Variants in CACNA1E observed in about 807,000 individuals in gnomAD.
CACNA1E encodes calcium voltage-gated channel subunit alpha1 E, also known as voltage-dependent R-type calcium channel subunit alpha-1E.
CACNA1E carries 40 observed loss-of-function variants against 259.2 expected under a neutral mutation model. The observed-to-expected ratio is 0.15, with a 90% confidence interval of 0.12 to 0.20. CACNA1E has a LOEUF of 0.20. CACNA1E is among the 10% of genes least tolerant of loss of function. The pLI, the probability that CACNA1E is intolerant of heterozygous loss-of-function variation, is 1.00. For synonymous variants in CACNA1E, 1,104 were observed against 1,138.5 expected (o/e 0.97, Z 0.61); for missense variants, 1,874 against 3,040.1 (o/e 0.62, Z 9.02).
intron 1 of CACNA1E, among the ~76,000 whole-genome samples, chr1:181,386,985 T>C (rs900261538): frequency 1.2e-4 from 18 of 152,212 alleles, no homozygotes; most frequent in Admixed American, 1.1e-3. Flanking sequence ...TTTTGTTCGA[T>C]TGATTGACTC....
intron 3 of CACNA1E, among the ~76,000 whole-genome samples, chr1:181,520,466 A>G (rs940592475): frequency 2.6e-5 from 4 of 152,232 alleles, no homozygotes; most frequent in African/African-American, 9.6e-5. Flanking sequence ...AAACCAGCAT[A>G]TAAAAATTGA....
intron 40 of CACNA1E, among the ~76,000 whole-genome samples, chr1:181,784,384 C>A (rs987276895): frequency 6.6e-6 from 1 of 152,132 alleles, no homozygotes; most frequent in Non-Finnish European, 1.5e-5. Flanking sequence ...GTATTGAGCA[C>A]CTGGGAGGCT....
At chr1:181,720,994 G>A (rs1056597325) in intron 15 of CACNA1E, 139 bp downstream of exon 15, 3 of 639,438 alleles carry the variant, frequency 4.7e-6, no homozygotes, top group Non-Finnish European at 8.3e-6. Flanking sequence ...CTTTCTAGTT[G>A]AGCGGTCATT....
At chr1:181,535,841 T>C (rs978812138) in intron 3 of CACNA1E, among the ~76,000 whole-genome samples, 13 of 151,942 alleles carry the variant, frequency 8.6e-5, no homozygotes, top group African/African-American at 3.1e-4. Context: ...GCATGCACTA[T>C]CACCCCGGCT....
At chr1:181,537,448 G>T (rs1467646134) in intron 3 of CACNA1E, among the ~76,000 whole-genome samples, 3 of 152,114 alleles carry the variant, frequency 2.0e-5, no homozygotes, top group Non-Finnish European at 4.4e-5. Flanking sequence ...GTCCAGAGGG[G>T]ATTCATCACA....
chr1:181,646,140 A>G (rs1484570574), intron 6 of CACNA1E, among the ~76,000 whole-genome samples: 1 of 152,234 alleles, frequency 6.6e-6, no homozygotes, highest in Non-Finnish European at 1.5e-5. Context: ...TTGCTAGCCT[A>G]TGTTGGCTGC....
intron 1 of CACNA1E, among the ~76,000 whole-genome samples, chr1:181,407,688 A>G (rs889665481): frequency 6.6e-6 from 1 of 152,088 alleles, no homozygotes; most frequent in African/African-American, 2.4e-5. Context: ...AGGCTGGCTC[A>G]GCTAAGAAAA....
At chr1:181,714,001 C>A (rs1653647333) in intron 8 of CACNA1E, among the ~76,000 whole-genome samples, 1 of 152,158 alleles carries the variant, frequency 6.6e-6, no homozygotes. Context: ...CATCATCAAC[C>A]AGTCCTTCAG....
intron 2 of CACNA1E, among the ~76,000 whole-genome samples, chr1:181,426,311 C>A (rs1404459770): frequency 2.0e-5 from 3 of 151,934 alleles, no homozygotes; most frequent in African/African-American, 4.8e-5. Context: ...CCTATGTCAA[C>A]CCTTATCAAT....
In CACNA1E at chr1:181,546,908, AGTC is replaced by A. The variant is rs1647534407; in HGVS notation, c.513-30855_513-30853del. The stretch of plus-strand genomic sequence containing the variant: ...ATTCTTTATGCCTGACAGTTTCTCA[AGTC>A]GTGCCTGTCCTTTTAAATCAAGCGA... On this transcript the variant is annotated intron_variant, in intron 3 of 47. Transcript: ENST00000367573. 2.0e-5 allele frequency among the ~76,000 whole-genome samples: 3 copies of A among 152,148 alleles called. No individual in the cohort carries two copies. In the South Asian group the frequency reaches 6.2e-4, roughly 32 times the overall value.
chr1:181,488,679 T>C (rs1664057022), intron 1 of CACNA1E, among the ~76,000 whole-genome samples: 1 of 152,226 alleles, frequency 6.6e-6, no homozygotes, highest in Non-Finnish European at 1.5e-5. Flanking sequence ...CTCAATGTGA[T>C]AGTTTTGTCT....
Position 181,773,670 on chromosome 1 carries a change from G to C in CACNA1E, c.5139+1439G>C, listed in dbSNP as rs182529560. Among the ~76,000 whole-genome samples, 6 of 152,322 alleles carry C rather than the reference G, an allele frequency of 3.9e-5. No homozygotes were observed. In the East Asian group the frequency reaches 1.2e-3, roughly 29 times the overall value. ...AAGGCCCATCCCTCAGTCACCAGTA[G>C]TCAAGGGGTGAAACCAGCTCACAGC... On this transcript the variant is annotated intron_variant, in intron 37 of 47. Coordinates refer to ENST00000367573, the MANE Select transcript of CACNA1E (RefSeq NM_001205293.3).
At chr1:181,617,529 T>G (rs954794800) in intron 6 of CACNA1E, among the ~76,000 whole-genome samples, 1 of 152,224 alleles carries the variant, frequency 6.6e-6, no homozygotes, top group Non-Finnish European at 1.5e-5. Flanking sequence ...GTATTCCCTA[T>G]CTGACGATGA....
chr1:181,590,948 T>C (rs1158478731), intron 6 of CACNA1E, among the ~76,000 whole-genome samples: 1 of 152,258 alleles, frequency 6.6e-6, no homozygotes, highest in African/African-American at 2.4e-5. Flanking sequence ...ATTGATTATA[T>C]ACTCTATCAA....
intron 7 of CACNA1E, among the ~76,000 whole-genome samples, chr1:181,670,655 C>T (rs961495068): frequency 1.3e-5 from 2 of 152,120 alleles, no homozygotes; most frequent in African/African-American, 2.4e-5. Context: ...GCAGCTGACA[C>T]GTCCTCAGGC....
At chr1:181,734,310 T>G (rs1318256951) in intron 21 of CACNA1E, among the ~76,000 whole-genome samples, 1 of 151,992 alleles carries the variant, frequency 6.6e-6, no homozygotes, top group Non-Finnish European at 1.5e-5. Flanking sequence ...TAGCCACAAG[T>G]TCTCCCCATC....
rs545219746 is a variant in CACNA1E at position 181,547,336 on chromosome 1, C to T, written c.513-30430C>T. ...TAACTCCAGTGGTGCTCATGCCTGT[C>T]GCTTTGGATTTCTCACCCCTGTTCA... On this transcript the variant is annotated intron_variant, in intron 3 of 47. Coordinates refer to ENST00000367573, the MANE Select transcript of CACNA1E (RefSeq NM_001205293.3). 9.1e-4 allele frequency among the ~76,000 whole-genome samples: 138 copies of T among 152,348 alleles called. No individual in the cohort carries two copies. In the Middle Eastern group the frequency reaches 0.02, roughly 23 times the overall value.
chr1:181,648,171 A>C (rs1045510641), intron 6 of CACNA1E, among the ~76,000 whole-genome samples: 3 of 152,344 alleles, frequency 2.0e-5, no homozygotes, highest in African/African-American at 7.2e-5. Context: ...GAATTGTATC[A>C]GTGTATTTTT....
chr1:181,616,546 A>G (rs897613704), intron 6 of CACNA1E, among the ~76,000 whole-genome samples: 3 of 152,056 alleles, frequency 2.0e-5, no homozygotes, highest in Non-Finnish European at 2.9e-5. Context: ...CCCCATCTCT[A>G]CTAAAAAAAT....
Sources: gnomAD v4.1 joint callset for allele counts (sites outside exome capture counted in the v4.1 genomes callset) on GRCh38, gnomAD v4.1.1 for gene constraint, MANE v1.5 for transcripts, NCBI Gene and HGNC (gene_info 2026-07-23, HGNC 2026-07-21) for gene names.